RTKN: variants seen among roughly 807,000 people sequenced by gnomAD.
The protein encoded by RTKN is rhotekin.
Under a neutral mutation model 63.5 loss-of-function variants are expected in RTKN, and 49 were observed. That is an observed-to-expected ratio of 0.77 (90% CI 0.61 to 0.98). RTKN has a LOEUF of 0.98. RTKN is among the 50% of genes least tolerant of loss of function. The pLI, the probability that RTKN is intolerant of heterozygous loss-of-function variation, is 0.00. For missense variants in RTKN, 685 were observed against 740.8 expected (o/e 0.92, Z 0.87); for synonymous variants, 295 against 290.4 (o/e 1.02, Z -0.16).
At chr2:74,427,093 C>G in intron 11 of RTKN, 76 bp downstream of exon 11, 1 of 1,547,642 alleles carries the variant, frequency 6.5e-7, no homozygotes, top group South Asian at 1.2e-5. Flanking sequence ...CTCTCTGTTT[C>G]CATTATCTGG....
chr2:74,428,797 C>A, intron 7 of RTKN, 51 bp downstream of exon 7: 1 of 1,601,812 alleles, frequency 6.2e-7, no homozygotes, highest in Non-Finnish European at 8.6e-7. Context: ...ATCCCACAGC[C>A]CCTCTTCTCA....
intron 1 of RTKN, chr2:74,440,517 C>T (rs572471785): frequency 1.1e-4 from 110 of 986,510 alleles, no homozygotes; most frequent in Non-Finnish European, 1.3e-4. Context: ...GCCAGGCCCA[C>T]GGAGTCACAC....
At position 74,430,352 on chromosome 2, in the gene RTKN, C is replaced by T. The variant is rs1208268929; in HGVS notation, c.445G>A (p.Val149Met). Residue 149 changes from valine (V) to methionine (M), a missense_variant, in exon 5 of 12, where the codon GTG becomes ATG. By Grantham distance (21) the Val-to-Met change is conservative. Transcript: ENST00000272430. ...TCCCCCAGCTGCAGCAGCAGGAACA[C>T]AGCCCAGCGGTGCAAGTCTGGGGAC... is the stretch of plus-strand genomic sequence containing the variant. ...KNKGDLHRWAVFLLLQLGEHI... is the reference protein window; with the variant it reads ...KNKGDLHRWAMFLLLQLGEHI... 2 of 1,614,112 alleles carry T rather than the reference C, an allele frequency of 1.2e-6. No individual in the cohort carries two copies. Among genetic ancestry groups the T allele is most frequent in the African/African-American group, 2.7e-5 (2 of 74,942 alleles).
At chr2:74,439,854 C>T in intron 1 of RTKN, 1 of 1,358,966 alleles carries the variant, frequency 7.4e-7, no homozygotes, top group South Asian at 1.8e-5. Flanking sequence ...CTGCCGGGAG[C>T]CAGGCAGGGA....
At position 74,426,285 on chromosome 2, in the gene RTKN, G is replaced by A. The variant is rs780470978; in HGVS notation, c.1650C>T (p.Cys550=). ...GCCAAGTGCGAGGTTGGCCTTTGCT[G>A]CAGAGGCCTCTGGTCCGTGGGGATC... ...PQRSPRTRGL[C]SKGQPRTWLQ... Residue 550 remains cysteine, a synonymous_variant, in exon 12 of 12, where the codon TGC becomes TGT. Coordinates refer to ENST00000272430, the MANE Select transcript of RTKN (RefSeq NM_001015055.2). 4 of 1,614,110 alleles carry A rather than the reference G, an allele frequency of 2.5e-6. No individual in the cohort carries two copies. Among genetic ancestry groups the A allele is most frequent in the Middle Eastern group, 1.7e-4 (1 of 6,060 alleles).
chr2:74,435,859 G>T (rs1671025815), intron 1 of RTKN, among the ~76,000 whole-genome samples: 1 of 152,152 alleles, frequency 6.6e-6, no homozygotes, highest in Non-Finnish European at 1.5e-5. Context: ...GCCTTGTCCT[G>T]CCTGCCTACA....
Position 74,426,425 on chromosome 2 carries a change from C to T in RTKN, c.1510G>A (p.Ala504Thr). Reference sequence around the variant, plus strand: ...GGCAGGGGGTGGGTCCAGTCTGGGGCTGGGGCCACTGAGGCAGGCGAGCAG... The same window carrying T: ...GGCAGGGGGTGGGTCCAGTCTGGGGTTGGGGCCACTGAGGCAGGCGAGCAG... ...NPCSPASVAP[A>T]PDWTHPLPWG... Residue 504 changes from alanine to threonine, a missense_variant, in exon 12 of 12, where the codon GCC becomes ACC. Physicochemically the swap from Ala to Thr is moderately conservative, Grantham distance 58 (BLOSUM62 0). Coordinates refer to ENST00000272430, the MANE Select transcript of RTKN (RefSeq NM_001015055.2). 1 of 1,612,174 alleles carries T rather than the reference C, an allele frequency of 6.2e-7. No homozygotes were observed. Among genetic ancestry groups the T allele is most frequent in the Non-Finnish European group, 8.5e-7 (1 of 1,179,202 alleles).
chr2:74,428,284 GTAAGCAGC>G lies in RTKN; in HGVS notation c.1062_1069del (p.Leu355TyrfsTer28). On this transcript the variant is annotated frameshift_variant, in exon 9 of 12. Transcript: ENST00000272430. LOFTEE classifies it high-confidence loss of function. The stretch of plus-strand genomic sequence containing the variant: ...ACCCATCACCTTGTTGACAGCAATA[GTAAGCAGC>G]GGCTCTTCCCCAGTGTCTGCATCCT... 1.9e-6 allele frequency: 3 copies of G among 1,614,182 alleles called. No individual in the cohort carries two copies. The highest frequency in any genetic ancestry group is 1.7e-6 in the Non-Finnish European group (2 of 1,180,030).
chr2:74,426,721 C>T, intron 11 of RTKN, 147 bp from the exon 12 acceptor site: 2 of 1,383,118 alleles, frequency 1.4e-6, no homozygotes, highest in East Asian at 5.4e-5. Context: ...AGGAGCAGCC[C>T]CTCACCTGGG....
intron 6 of RTKN, among the ~76,000 whole-genome samples, chr2:74,429,171 C>T (rs903100156): frequency 2.6e-5 from 4 of 152,148 alleles, no homozygotes; most frequent in Admixed American, 6.5e-5. Context: ...AGGTTGGTGG[C>T]ATTCTTCAAC....
At chr2:74,431,222 C>T (rs1446770040) in intron 2 of RTKN, among the ~76,000 whole-genome samples, 2 of 152,040 alleles carry the variant, frequency 1.3e-5, no homozygotes, top group East Asian at 3.8e-4. Context: ...ACTACAGACC[C>T]TTTTCCTTCC....
Position 74,428,345 on chromosome 2 carries a change from T to C in RTKN, c.1009A>G (p.Thr337Ala), listed in dbSNP as rs1670534269. 2.5e-6 allele frequency: 4 copies of C among 1,614,032 alleles called. No homozygotes were observed. The Admixed American group carries it at 6.7e-5, about 27-fold the overall frequency. ...WAQVHGVLKG[T>A]NLFCYRQPED... ...GGTTGCCGGTAACAGAAGAGGTTTG[T>C]GCCTTTCAGAACTCCATGCACTTGT... is the stretch of plus-strand genomic sequence containing the variant. The change falls in exon 9 of 12, where the codon ACA becomes GCA. Residue 337 changes from threonine to alanine, a missense_variant. Transcript: ENST00000272430.
rs1670677588 is a variant in RTKN at position 74,430,369 on chromosome 2, T to C, written c.428A>G (p.Asp143Gly). The change falls in exon 5 of 12, where the codon GAC becomes GGC. Residue 143 changes from aspartate (D) to glycine (G), a missense_variant and splice_region_variant. Asp to Gly is a moderately conservative substitution (Grantham distance 94, BLOSUM62 -1). Coordinates refer to ENST00000272430, the MANE Select transcript of RTKN (RefSeq NM_001015055.2). Reference sequence around the variant, plus strand: ...CAGGAACACAGCCCAGCGGTGCAAGTCTGGGGACAAAGGGCAAAACAAAAA... The same window carrying C: ...CAGGAACACAGCCCAGCGGTGCAAGCCTGGGGACAAAGGGCAAAACAAAAA... The part of the protein sequence containing the change: ...KDTEYFKNKG[D>G]LHRWAVFLLL... The C allele has an allele frequency of 2.5e-6, 4 of 1,614,050 alleles. No homozygotes were observed. Among genetic ancestry groups the C allele is most frequent in the African/African-American group, 2.7e-5 (2 of 74,936 alleles).
intron 3 of RTKN, 38 bp downstream of exon 3, chr2:74,430,578 C>G: frequency 6.2e-7 from 1 of 1,614,036 alleles, no homozygotes; most frequent in East Asian, 2.2e-5. Context: ...TGTGCTTGGG[C>G]AAGGGGTACC....
intron 1 of RTKN, chr2:74,440,069 G>A (rs1442106132): frequency 2.2e-6 from 2 of 896,332 alleles, no homozygotes; most frequent in Non-Finnish European, 1.4e-6. Flanking sequence ...ATCTGTGTGC[G>A]GAGAGGGCAG....
chr2:74,429,210 G>A (rs573161339), intron 6 of RTKN, among the ~76,000 whole-genome samples: 1 of 152,316 alleles, frequency 6.6e-6, no homozygotes, highest in African/African-American at 2.4e-5. Context: ...GCTTAGAGAG[G>A]TTAAGAAACT....
At chr2:74,435,688 G>A (rs1282747031) in intron 1 of RTKN, among the ~76,000 whole-genome samples, 2 of 152,124 alleles carry the variant, frequency 1.3e-5, no homozygotes, top group African/African-American at 2.4e-5. Context: ...GAGACAAGTC[G>A]AGCCATCCAT....
In RTKN at chr2:74,430,487, T is replaced by C; in HGVS notation, c.405A>G (p.Thr135=). The change falls in exon 4 of 12, where the codon ACA becomes ACG. Residue 135 remains threonine, a synonymous_variant. Transcript: ENST00000272430. ...DLRIPLMWKD[T]EYFKNKGDLH... ...CACCACCTTTGTTCTTGAAATATTC[T>C]GTGTCCTTCCACATGAGTGGAATCC... 6.2e-7 allele frequency: 1 copy of C among 1,614,256 alleles called. No individual in the cohort carries two copies. The highest frequency in any genetic ancestry group is 8.5e-7 in the Non-Finnish European group (1 of 1,180,034).
rs1670359704 is a variant in RTKN at position 74,425,896 on chromosome 2, C to T, written c.*347G>A. Reference sequence around the variant, plus strand: ...CCAGGTGAAGGCTGCTGTTAAATAACTTTAATGGTTGATGTGGGAGTCACA... The same window carrying T: ...CCAGGTGAAGGCTGCTGTTAAATAATTTTAATGGTTGATGTGGGAGTCACA... On this transcript the variant is annotated 3_prime_UTR_variant, in exon 12 of 12. Transcript: ENST00000272430. 3.4e-6 allele frequency: 3 copies of T among 886,704 alleles called. No homozygotes were observed. Among genetic ancestry groups the T allele is most frequent in the Non-Finnish European group, 5.0e-6 (3 of 595,204 alleles). The allele number at this position is 886,704 out of a possible 1,614,324, so 54.9% of individuals were successfully genotyped here.
Sources: gnomAD v4.1 joint callset for allele counts (sites outside exome capture counted in the v4.1 genomes callset) on GRCh38, gnomAD v4.1.1 for gene constraint, MANE v1.5 for transcripts, NCBI Gene and HGNC (gene_info 2026-07-23, HGNC 2026-07-21) for gene names.